Variants in ATXN1 observed in about 807,000 individuals in gnomAD.
ATXN1 encodes ataxin 1, also known as ataxin-1.
ATXN1 carries 8 observed loss-of-function variants against 56.4 expected under a neutral mutation model. The observed-to-expected ratio is 0.14, with a 90% confidence interval of 0.08 to 0.26. The LOEUF (loss-of-function observed/expected upper bound fraction) is 0.26. Ranked by LOEUF, ATXN1 falls within the 10% of genes least tolerant of loss-of-function variation. The pLI is 1.00. For missense variants in ATXN1, 987 were observed against 1,106.5 expected, an observed-to-expected ratio of 0.89 and a Z score of 1.53; for synonymous variants, 514 against 494.6, an observed-to-expected ratio of 1.04 and a Z score of -0.52.
rs576021359 is a variant in ATXN1 at position 16,474,828 on chromosome 6, G to A, written c.-161+11144C>T. Reference sequence around the variant, plus strand: ...TAGGTGCCTAGCCTGTAGCATATGTGTGTGCATACACACACACACACACAC... The same window carrying A: ...TAGGTGCCTAGCCTGTAGCATATGTATGTGCATACACACACACACACACAC... On this transcript the variant is annotated intron_variant, in intron 6 of 7. Transcript: ENST00000436367. Among the ~76,000 whole-genome samples, 5 of 143,330 alleles carry A rather than the reference G, an allele frequency of 3.5e-5. No homozygotes were observed. The South Asian group carries it at 1.2e-3, about 34-fold the overall frequency. 94.0% of individuals were successfully genotyped at this position (143,330 alleles called of 152,430 possible).
At chr6:16,728,109 A>G (rs1188768436) in intron 2 of ATXN1, among the ~76,000 whole-genome samples, 1 of 152,222 alleles carries the variant, frequency 6.6e-6, no homozygotes, top group African/African-American at 2.4e-5. Flanking sequence ...GCTGGAGAAG[A>G]GAGCAGGTCC....
At position 16,557,493 on chromosome 6, in the gene ATXN1, T is replaced by C. The variant is rs200137988; in HGVS notation, c.-361+28287A>G. ...TATTTATCTATAAACTTATATGATG[T>C]CAAAAATACAAATTAGAAAGCTAAT... On this transcript the variant is annotated intron_variant, in intron 4 of 7. Coordinates refer to ENST00000436367, the MANE Select transcript of ATXN1 (RefSeq NM_001128164.2). 8.5e-5 allele frequency among the ~76,000 whole-genome samples: 13 copies of C among 152,228 alleles called. No individual in the cohort carries two copies. In the East Asian group the frequency reaches 2.1e-3, roughly 25 times the overall value.
At chr6:16,548,015 A>G (rs553397587) in intron 4 of ATXN1, among the ~76,000 whole-genome samples, 104 of 152,226 alleles carry the variant, frequency 6.8e-4, no homozygotes, top group South Asian at 1.0e-3. Context: ...TCTTCACGTG[A>G]TTCTGTTGTG....
At chr6:16,596,388 T>C (rs1432372044) in intron 3 of ATXN1, among the ~76,000 whole-genome samples, 2 of 152,106 alleles carry the variant, frequency 1.3e-5, no homozygotes, top group African/African-American at 4.8e-5. Context: ...GCAAATATGA[T>C]AGGGAAATAT....
rs773627110 is a variant in ATXN1 at position 16,327,800 on chromosome 6, G to A, written c.511C>T (p.Arg171Cys). Residue 171 changes from arginine to cysteine, a missense_variant, in exon 7 of 8, where the codon CGC (arginine) becomes TGC (cysteine). Arg to Cys is a radical substitution (Grantham distance 180). Around this residue, in one of 3 missense-constraint regions of ATXN1, gnomAD observed 723 missense variants for 791.7 expected, o/e 0.91. Transcript: ENST00000436367. Reference sequence around the variant, plus strand: ...GTGGAATAGGCCTCCAGCTGGGAGCGCTGGGATGGAGTGGTGGCCCCTGCG... The same window carrying A: ...GTGGAATAGGCCTCCAGCTGGGAGCACTGGGATGGAGTGGTGGCCCCTGCG... ...SAAGATTPSQ[R>C]SQLEAYSTLL... is the part of the protein sequence containing the mutation. The A allele has an allele frequency of 2.4e-5, 38 of 1,609,778 alleles. No individual in the cohort carries two copies. The highest frequency in any genetic ancestry group is 3.0e-5 in the Non-Finnish European group (35 of 1,179,992).
intron 2 of ATXN1, chr6:16,752,828 A>C (rs1025394243): frequency 2.4e-5 from 4 of 169,434 alleles, no homozygotes; most frequent in African/African-American, 9.6e-5. Context: ...TCCCCTAAAC[A>C]AATAGGTCTC....
intron 6 of ATXN1, among the ~76,000 whole-genome samples, chr6:16,395,993 G>A (rs1305659161): frequency 1.7e-5 from 2 of 120,506 alleles, no homozygotes; most frequent in African/African-American, 6.4e-5. Flanking sequence ...CCAGCCTGGT[G>A]ACAGAGCGAG....
At chr6:16,755,974 T>C (rs974189395) in intron 1 of ATXN1, among the ~76,000 whole-genome samples, 3 of 152,118 alleles carry the variant, frequency 2.0e-5, no homozygotes, top group African/African-American at 7.2e-5. Context: ...AAACAAAATA[T>C]AATGCTTGTT....
chr6:16,441,191 A>T (rs1351969074), intron 6 of ATXN1, among the ~76,000 whole-genome samples: 1 of 152,198 alleles, frequency 6.6e-6, no homozygotes, highest in Non-Finnish European at 1.5e-5. Context: ...TCCTTCCACG[A>T]CCAAATCACC....
chr6:16,359,532 CT>C (rs1237789792), intron 6 of ATXN1, among the ~76,000 whole-genome samples: 2 of 152,022 alleles, frequency 1.3e-5, no homozygotes, highest in Non-Finnish European at 2.9e-5. Context: ...AGGAGCTACC[CT>C]CTCTGCTAAG....
chr6:16,605,743 A>C (rs1762993355), intron 3 of ATXN1, among the ~76,000 whole-genome samples: 1 of 152,182 alleles, frequency 6.6e-6, no homozygotes, highest in South Asian at 2.1e-4. Context: ...CAGTGACCCT[A>C]GGATGAGCCT....
chr6:16,320,636 C>T (rs1426189381), intron 7 of ATXN1, among the ~76,000 whole-genome samples: 2 of 152,264 alleles, frequency 1.3e-5, no homozygotes, highest in Non-Finnish European at 2.9e-5. Context: ...CCATCCTGGG[C>T]AGGGCTGTCC....
chr6:16,542,262 C>T (rs1323912883), intron 4 of ATXN1, among the ~76,000 whole-genome samples: 1 of 152,220 alleles, frequency 6.6e-6, no homozygotes, highest in Non-Finnish European at 1.5e-5. Context: ...CATCCACAAT[C>T]TGCATTCACT....
At chr6:16,446,662 G>A (rs930455452) in intron 6 of ATXN1, among the ~76,000 whole-genome samples, 5 of 152,080 alleles carry the variant, frequency 3.3e-5, no homozygotes, top group Non-Finnish European at 2.9e-5. Flanking sequence ...TAAATCTAAA[G>A]TTTTTTTTCT....
At chr6:16,331,519 T>C (rs1038345324) in intron 6 of ATXN1, among the ~76,000 whole-genome samples, 6 of 152,320 alleles carry the variant, frequency 3.9e-5, no homozygotes, top group Middle Eastern at 3.4e-3. Context: ...CTGGCCCTCC[T>C]GCAGCACTGA....
intron 6 of ATXN1, among the ~76,000 whole-genome samples, chr6:16,370,409 G>A (rs1479254286): frequency 1.3e-5 from 2 of 152,170 alleles, no homozygotes; most frequent in Admixed American, 1.3e-4. Context: ...TGTCGTGAAA[G>A]AAACTGGCAA....
intron 6 of ATXN1, among the ~76,000 whole-genome samples, chr6:16,401,194 A>G (rs1758562020): frequency 1.3e-5 from 2 of 152,218 alleles, no homozygotes; most frequent in Non-Finnish European, 2.9e-5. Context: ...GGCCAGGGAC[A>G]GTCTGGTTGT....
intron 6 of ATXN1, among the ~76,000 whole-genome samples, chr6:16,370,729 A>C (rs545781284): frequency 6.6e-6 from 1 of 152,328 alleles, no homozygotes; most frequent in African/African-American, 2.4e-5. Context: ...TGAATATATA[A>C]TTTTGAATCA....
At chr6:16,601,949 C>A (rs1029345914) in intron 3 of ATXN1, among the ~76,000 whole-genome samples, 14 of 152,116 alleles carry the variant, frequency 9.2e-5, no homozygotes, top group African/African-American at 3.1e-4. Context: ...ATCTATTTTG[C>A]AAGCAGAAAA....
Sources: gnomAD v4.1 joint callset for allele counts (sites outside exome capture counted in the v4.1 genomes callset) on GRCh38, gnomAD v4.1.1 for gene constraint, gnomAD v4.1.1 regional missense constraint, MANE v1.5 for transcripts, NCBI Gene and HGNC (gene_info 2026-07-23, HGNC 2026-07-21) for gene names.